Variants in NALF2 observed in about 807,000 individuals in gnomAD.
NALF2 encodes the protein bB57D9.1 (TED protein).
A neutral mutation model predicts 24.8 loss-of-function variants in NALF2; 1 was observed. The ratio of observed to expected loss-of-function variants is 0.04; its 90% CI spans 0.01 to 0.19. NALF2 has a LOEUF of 0.19. NALF2 is among the 10% of genes least tolerant of loss of function. NALF2 has a pLI of 1.00. For missense variants in NALF2, 458 were observed against 409.6 expected, an observed-to-expected ratio of 1.12 and a Z score of -1.02; for synonymous variants, 254 against 189.8, an observed-to-expected ratio of 1.34 and a Z score of -2.78.
chrX:69,510,379 G>A (rs1930564177), intron 1 of NALF2, among the ~76,000 whole-genome samples: 2 of 112,240 alleles, frequency 1.8e-5, no homozygotes, highest in Non-Finnish European at 3.8e-5. Context: ...AGCTGTTTCT[G>A]CCTCACTGCC....
intron 1 of NALF2, 146 bp from the exon 2 acceptor site, chrX:69,528,847 C>G (rs1930847551): frequency 1.4e-5 from 7 of 512,839 alleles, no homozygotes; most frequent in Non-Finnish European, 2.1e-5. Context: ...GGCCTTGATC[C>G]AAGCCCTTCT....
chrX:69,526,033 T>C (rs1325453301), intron 1 of NALF2, among the ~76,000 whole-genome samples: 1 of 111,924 alleles, frequency 8.9e-6, no homozygotes, highest in Non-Finnish European at 1.9e-5. Context: ...GGAATTTATA[T>C]AAATAAAATT....
At chrX:69,509,965 T>C (rs1041897721) in intron 1 of NALF2, among the ~76,000 whole-genome samples, 4 of 111,995 alleles carry the variant, frequency 3.6e-5, no homozygotes, top group Non-Finnish European at 7.5e-5. Context: ...GAGGTCATTA[T>C]TAATGAGAAG....
rs757898710 is a variant in NALF2, at chrX:69,505,270, A to AC, written c.-7dup. On this transcript the variant is annotated 5_prime_UTR_variant, in exon 1 of 3. Transcript: ENST00000252338. ...CGCCTGCCTGTTCCCTCCAGCCCGG[A>AC]CCCCCCTGAAATATGTTCAGGGGCG... 6 of 1,133,352 alleles carry AC rather than the reference A, an allele frequency of 5.3e-6. No individual in the cohort carries two copies. Among genetic ancestry groups the AC allele is most frequent in the Non-Finnish European group, 7.0e-6 (6 of 858,471 alleles). The allele number at this position is 1,133,352 out of a possible 1,213,427, so 93.4% of individuals were successfully genotyped here.
chrX:69,513,337 G>A (rs1246732068), intron 1 of NALF2, among the ~76,000 whole-genome samples: 1 of 112,383 alleles, frequency 8.9e-6, no homozygotes, highest in Non-Finnish European at 1.9e-5. Context: ...CCCAGAGTCC[G>A]CTGAGGCCTG....
At chrX:69,513,207 A>G (rs968475948) in intron 1 of NALF2, among the ~76,000 whole-genome samples, 35 of 112,105 alleles carry the variant, frequency 3.1e-4, no homozygotes, top group African/African-American at 1.1e-3. Context: ...AAGCAGGCCT[A>G]ATGCAGACCT....
intron 1 of NALF2, among the ~76,000 whole-genome samples, chrX:69,522,826 CTG>C (rs1930751787): frequency 8.9e-6 from 1 of 112,355 alleles, no homozygotes; most frequent in South Asian, 3.7e-4. Flanking sequence ...TCTCTGTGTG[CTG>C]ATGGATGCAG....
In NALF2 at chrX:69,504,779, G is replaced by A. The variant is rs1930425135; in HGVS notation, c.-504G>A. On this transcript the variant is annotated 5_prime_UTR_variant, in exon 1 of 3. Coordinates refer to ENST00000252338, the MANE Select transcript of NALF2 (RefSeq NM_015686.3). ...GGCAGCGGGCGGACGGGCGGGAGCG[G>A]AGCGGCGCGGGGCGAGGGGAGCGGA... is the stretch of plus-strand genomic sequence containing the variant. Among the ~76,000 whole-genome samples, 1 of 108,674 alleles carries A rather than the reference G, an allele frequency of 9.2e-6. No individual in the cohort carries two copies. Among genetic ancestry groups the A allele is most frequent in the Non-Finnish European group, 1.9e-5 (1 of 52,185 alleles). The allele number at this position is 108,674 out of a possible 115,157, so 94.4% of individuals were successfully genotyped here.
chrX:69,504,345 C>T lies in NALF2; in HGVS notation c.-938C>T, dbSNP rs930049130. Among the ~76,000 whole-genome samples, 1 of 112,694 alleles carries T rather than the reference C, an allele frequency of 8.9e-6. No homozygotes were observed. Among genetic ancestry groups the T allele is most frequent in the Admixed American group, 9.2e-5 (1 of 10,854 alleles). On this transcript the variant is annotated 5_prime_UTR_variant, in exon 1 of 3. Coordinates refer to ENST00000252338, the MANE Select transcript of NALF2 (RefSeq NM_015686.3). Reference sequence around the variant, plus strand: ...GGGGCACCAGTCCCGCTCCCTCCTCCTCTCCGTGCCTCTTTCTCCGCCCTG... The same window carrying T: ...GGGGCACCAGTCCCGCTCCCTCCTCTTCTCCGTGCCTCTTTCTCCGCCCTG...
chrX:69,529,222 G>A, intron 2 of NALF2, 58 bp downstream of exon 2: 1 of 1,117,737 alleles, frequency 8.9e-7, no homozygotes, highest in East Asian at 3.1e-5. Context: ...CAGGCATCAG[G>A]TCAGAGGAGT....
In NALF2 at chrX:69,504,788, G is replaced by A. The variant is rs1241438015; in HGVS notation, c.-495G>A. 9.7e-6 allele frequency among the ~76,000 whole-genome samples: 1 copy of A among 103,529 alleles called. No individual in the cohort carries two copies. Among genetic ancestry groups the A allele is most frequent in the Non-Finnish European group, 1.9e-5 (1 of 51,931 alleles). 89.9% of individuals were successfully genotyped at this position (103,529 alleles called of 115,157 possible). On this transcript the variant is annotated 5_prime_UTR_variant, in exon 1 of 3. Transcript: ENST00000252338. ...CGGACGGGCGGGAGCGGAGCGGCGC[G>A]GGGCGAGGGGAGCGGAGCGGAGCGC...
chrX:69,528,821 T>G (rs1930847059), intron 1 of NALF2, among the ~76,000 whole-genome samples, 172 bp from the exon 2 acceptor site: 1 of 111,979 alleles, frequency 8.9e-6, no homozygotes, highest in Admixed American at 9.4e-5. Context: ...ATCGGAGATC[T>G]TAGGTAAGAT....
intron 1 of NALF2, among the ~76,000 whole-genome samples, chrX:69,515,735 C>A (rs1930652425): frequency 8.9e-6 from 1 of 112,394 alleles, no homozygotes; most frequent in Admixed American, 9.4e-5. Context: ...ATGATATTAA[C>A]CTTTTTCTAA....
At chrX:69,506,642 TG>T (rs1930492600) in intron 1 of NALF2, among the ~76,000 whole-genome samples, 1 of 112,944 alleles carries the variant, frequency 8.9e-6, no homozygotes, top group African/African-American at 3.2e-5. Flanking sequence ...CTCCTGGTGG[TG>T]GGGCACACCA....
chrX:69,514,304 A>G (rs1359510360), intron 1 of NALF2, among the ~76,000 whole-genome samples: 1 of 111,532 alleles, frequency 9.0e-6, no homozygotes, highest in African/African-American at 3.3e-5. Flanking sequence ...AAGTGGAGTC[A>G]TACACTATTT....
At chrX:69,517,314 A>G (rs1216193162) in intron 1 of NALF2, among the ~76,000 whole-genome samples, 1 of 111,846 alleles carries the variant, frequency 8.9e-6, no homozygotes, top group Non-Finnish European at 1.9e-5. Flanking sequence ...CGAGATGGAA[A>G]GTGCTCAAGA....
chrX:69,510,406 C>T (rs1467468860), intron 1 of NALF2, among the ~76,000 whole-genome samples: 1 of 112,451 alleles, frequency 8.9e-6, no homozygotes, highest in Non-Finnish European at 1.9e-5. Flanking sequence ...TCTCCTCCCA[C>T]CTGCCACAGC....
rs139212123 is a variant in NALF2 at position 69,529,916 on chromosome X, C to T, written c.1379C>T (p.Thr460Ile). The T allele has an allele frequency of 8.7e-5, 105 of 1,207,395 alleles. No homozygotes were observed. In the African/African-American group the frequency reaches 1.7e-3, roughly 20 times the overall value. ...GGTGGTGGGGGATTGGGGCTGGAGA[C>T]ACTGCCTGCCCTAGAGGAGGGCCTG... ...NQGGGGLGLE[T>I]LPALEEGLTR... Residue 460 changes from threonine to isoleucine, a missense_variant, in exon 3 of 3, where the codon ACA (threonine) becomes ATA (isoleucine). By Grantham distance (89) the Thr-to-Ile change is moderately conservative. Coordinates refer to ENST00000252338, the MANE Select transcript of NALF2 (RefSeq NM_015686.3).
intron 1 of NALF2, among the ~76,000 whole-genome samples, chrX:69,521,263 C>T (rs1290633255): frequency 1.8e-5 from 2 of 111,429 alleles, no homozygotes; most frequent in African/African-American, 3.3e-5. Context: ...TTGAAGTGCA[C>T]TTATTCTTTC....
Sources: gnomAD v4.1 joint callset for allele counts (sites outside exome capture counted in the v4.1 genomes callset) on GRCh38, gnomAD v4.1.1 for gene constraint, MANE v1.5 for transcripts, NCBI Gene and HGNC (gene_info 2026-07-23, HGNC 2026-07-21) for gene names.